The following UGT1A5 variants were observed in gnomAD, a reference collection of about 807,000 sequenced individuals.
The protein encoded by UGT1A5 is UDP-glucuronosyltransferase 1A5.
In UGT1A5, 29 loss-of-function variants were observed where a neutral mutation model predicts 40.3. The ratio of observed to expected loss-of-function variants is 0.72; its 90% CI spans 0.54 to 0.98. The LOEUF (loss-of-function observed/expected upper bound fraction) is 0.98, where lower values mean the gene tolerates loss of function less well. Ranked by LOEUF, UGT1A5 falls within the 50% of genes least tolerant of loss-of-function variation. The pLI is 0.00. For missense variants in UGT1A5, 678 were observed against 677.9 expected (o/e 1.00, Z 0.00); for synonymous variants, 257 against 262.5 (o/e 0.98, Z 0.20).
At chr2:233,760,524 C>A in intron 1 of UGT1A5, 1 of 1,614,240 alleles carries the variant, frequency 6.2e-7, no homozygotes, top group Non-Finnish European at 8.5e-7. Context: ...TGAAGACGTA[C>A]CCTGTGCCAT....
chr2:233,748,324 T>A (rs1693918932), intron 1 of UGT1A5, among the ~76,000 whole-genome samples: 2 of 151,746 alleles, frequency 1.3e-5, no homozygotes, highest in South Asian at 4.1e-4. Flanking sequence ...AGGACTGATG[T>A]GACTCATGGA....
intron 1 of UGT1A5, among the ~76,000 whole-genome samples, chr2:233,735,931 CT>C (rs1190585713): frequency 6.6e-6 from 1 of 152,166 alleles, no homozygotes; most frequent in Non-Finnish European, 1.5e-5. Flanking sequence ...TTCTCTGTGG[CT>C]GCCCTTAACA....
chr2:233,761,403 A>G (rs1379452016), intron 1 of UGT1A5, among the ~76,000 whole-genome samples: 2 of 152,210 alleles, frequency 1.3e-5, no homozygotes, highest in Non-Finnish European at 2.9e-5. Context: ...ATAGTAATCA[A>G]TTAGAAACAA....
chr2:233,729,418 C>CG, intron 1 of UGT1A5: 1 of 1,613,756 alleles, frequency 6.2e-7, no homozygotes, highest in South Asian at 1.1e-5. Flanking sequence ...GGGCCACACT[C>CG]AACTGTACTT....
At chr2:233,720,792 A>C (rs1575534792) in intron 1 of UGT1A5, among the ~76,000 whole-genome samples, 4 of 135,258 alleles carry the variant, frequency 3.0e-5, no homozygotes, top group Non-Finnish European at 4.7e-5. Flanking sequence ...TGCAACCTTC[A>C]CCTCCCGGGT....
intron 4 of UGT1A5, among the ~76,000 whole-genome samples, chr2:233,768,830 T>G (rs1378078075): frequency 6.6e-6 from 1 of 152,106 alleles, no homozygotes; most frequent in Non-Finnish European, 1.5e-5. Flanking sequence ...GTGATCCACC[T>G]GCCTCGGCCT....
chr2:233,717,138 C>T (rs1487946480), intron 1 of UGT1A5, among the ~76,000 whole-genome samples: 1 of 152,228 alleles, frequency 6.6e-6, no homozygotes, highest in Non-Finnish European at 1.5e-5. Context: ...AACACCACTA[C>T]ATGGAAATAG....
At chr2:233,722,148 A>T (rs2076994067) in intron 1 of UGT1A5, 1 of 162,512 alleles carries the variant, frequency 6.2e-6, no homozygotes, top group Non-Finnish European at 1.3e-5. Flanking sequence ...CTCCTGCAGG[A>T]CAAGATGTGT....
At chr2:233,744,380 A>G (rs1168834333) in intron 1 of UGT1A5, among the ~76,000 whole-genome samples, 1 of 151,890 alleles carries the variant, frequency 6.6e-6, no homozygotes, top group Non-Finnish European at 1.5e-5. Context: ...GCAGTTCTCC[A>G]ACGTTCCAGC....
At chr2:233,735,560 T>C (rs1442054621) in intron 1 of UGT1A5, among the ~76,000 whole-genome samples, 1 of 152,236 alleles carries the variant, frequency 6.6e-6, no homozygotes, top group African/African-American at 2.4e-5. Flanking sequence ...ATTATGGTGT[T>C]ATCGGGTTAT....
At chr2:233,765,711 T>TTAATAATAATAA (rs10664358) in intron 1 of UGT1A5, among the ~76,000 whole-genome samples, 10 of 149,240 alleles carry the variant, frequency 6.7e-5, no homozygotes, top group East Asian at 2.0e-4. Flanking sequence ...ATAATAATAA[T>TTAATAATAATAA]TAATAATAAT....
At chr2:233,725,206 A>AGGC (rs1165948613) in intron 1 of UGT1A5, among the ~76,000 whole-genome samples, 4 of 91,688 alleles carry the variant, frequency 4.4e-5, no homozygotes, top group Admixed American at 9.5e-5. Context: ...GCAGAGGCAG[A>AGGC]GGCAGAGGCA....
chr2:233,725,118 G>C (rs1450437592), intron 1 of UGT1A5, among the ~76,000 whole-genome samples: 1 of 140,180 alleles, frequency 7.1e-6, no homozygotes, highest in Non-Finnish European at 1.5e-5. Context: ...GGAGGTTGCA[G>C]TGAGCCGAGA....
chr2:233,719,403 C>T, intron 1 of UGT1A5: 1 of 1,613,982 alleles, frequency 6.2e-7, no homozygotes, highest in African/African-American at 1.3e-5. Flanking sequence ...CTCCTATATT[C>T]CTAAGTTACT....
At position 233,738,264 on chromosome 2, in the gene UGT1A5, G is replaced by A. The variant is rs569089300; in HGVS notation, c.867+24406G>A. 5.9e-5 allele frequency among the ~76,000 whole-genome samples: 9 copies of A among 152,250 alleles called. No individual in the cohort carries two copies. The East Asian group carries it at 1.7e-3, about 29-fold the overall frequency. On this transcript the variant is annotated intron_variant, in intron 1 of 4. Transcript: ENST00000373414. ...CCACATGGAACTGGAGTCAATTAAA[G>A]CTCTTTCCTTTATAAATTACCCAGT...
chr2:233,758,620 A>G (rs2125966627), intron 1 of UGT1A5, among the ~76,000 whole-genome samples: 1 of 152,334 alleles, frequency 6.6e-6, no homozygotes, highest in South Asian at 2.1e-4. Context: ...ATGTGCATGC[A>G]AAGTACCTAC....
At chr2:233,747,557 A>G (rs1485247055) in intron 1 of UGT1A5, 14 of 1,596,092 alleles carry the variant, frequency 8.8e-6, no homozygotes, top group Non-Finnish European at 8.6e-6. Flanking sequence ...AAAGTATGGC[A>G]ATTTTGAAAA....
intron 1 of UGT1A5, among the ~76,000 whole-genome samples, chr2:233,744,310 G>A (rs1252338874): frequency 6.6e-6 from 1 of 151,840 alleles, no homozygotes; most frequent in Non-Finnish European, 1.5e-5. Context: ...CAGGAGGGAA[G>A]AGGGTGGTGG....
In UGT1A5 at chr2:233,713,110, A is replaced by C. The variant is rs151218104; in HGVS notation, c.119A>C (p.His40Pro). Residue 40 changes from histidine to proline, a missense_variant, in exon 1 of 5, where the codon CAC becomes CCC. His to Pro is a moderately conservative substitution (Grantham distance 77). Transcript: ENST00000373414. ...KVLVVPTDGS[H>P]WLSMREALRD... ...CTGGTGGTGCCCACTGATGGCAGCC[A>C]CTGGCTCAGCATGCGGGAGGCCTTG... 3.3e-5 allele frequency: 53 copies of C among 1,614,090 alleles called. No individual in the cohort carries two copies. In the African/African-American group the frequency reaches 3.6e-4, roughly 11 times the overall value.
Sources: allele counts gnomAD v4.1 joint callset (sites outside exome capture counted in the v4.1 genomes callset), GRCh38; gene constraint gnomAD v4.1.1; transcripts MANE v1.5; gene names NCBI Gene and HGNC (gene_info 2026-07-23, HGNC 2026-07-21).